NAV2: variants seen among roughly 807,000 people sequenced by gnomAD.
NAV2 encodes the protein helicase, APC down-regulated 1.
A neutral mutation model predicts 223.2 loss-of-function variants in NAV2; 54 were observed. The observed-to-expected ratio is 0.24, with a 90% CI of 0.19 to 0.30. The LOEUF is 0.30. Among genes scored for constraint, NAV2 ranks in the 10% least tolerant of loss-of-function variants. The probability of loss-of-function intolerance (pLI) is 1.00; values close to 1 mark genes in which losing one functional copy is unlikely to be tolerated. For missense variants in NAV2, 2,806 were observed against 3,147.5 expected, an observed-to-expected ratio of 0.89 and a Z score of 2.60; for synonymous variants, 1,279 against 1,239.3, an observed-to-expected ratio of 1.03 and a Z score of -0.67.
intron 26 of NAV2, among the ~76,000 whole-genome samples, chr11:20,090,114 T>C (rs577196998): frequency 1.3e-5 from 2 of 152,326 alleles, no homozygotes; most frequent in East Asian, 3.9e-4. Context: ...GTTTTCAGAA[T>C]GTGATCAGGA....
chr11:19,944,705 TTTCCTTCC>T (rs369457220), intron 8 of NAV2, among the ~76,000 whole-genome samples: 25 of 145,270 alleles, frequency 1.7e-4, no homozygotes, highest in Non-Finnish European at 2.2e-4. Flanking sequence ...TTCTTCCTTC[TTTCCTTCC>T]TTCCTTCCTT....
intron 11 of NAV2, 118 bp from the exon 12 acceptor site, chr11:20,035,841 C>A (rs777505316): frequency 2.5e-6 from 3 of 1,180,840 alleles, no homozygotes; most frequent in Admixed American, 4.5e-5. Flanking sequence ...GAGCTTTGTC[C>A]GGGGCTTCAT....
At chr11:19,735,217 G>A (rs1035699) in intron 1 of NAV2, among the ~76,000 whole-genome samples, 84,695 of 151,992 alleles carry the variant, frequency 0.56, 24,750 homozygotes, top group African/African-American at 0.74. Flanking sequence ...TGGGCTTTGG[G>A]TGAAGCCTGG....
At chr11:19,971,739 T>C (rs1051419349) in intron 10 of NAV2, among the ~76,000 whole-genome samples, 2 of 152,266 alleles carry the variant, frequency 1.3e-5, no homozygotes, top group Non-Finnish European at 2.9e-5. Flanking sequence ...AGTCTTGCTC[T>C]GTCACCCAGG....
Position 20,095,786 on chromosome 11 carries a change from C to T in NAV2, c.6012+19C>T, listed in dbSNP as rs139295404. 2.5e-4 allele frequency: 399 copies of T among 1,581,140 alleles called. 1 individual carries two copies. In the East Asian group the frequency reaches 5.5e-3, roughly 22 times the overall value. ...GTTCAAAGTAAGTGTTTCAAGACAA[C>T]GGCTACAGCATACTACCTAACATGG... On this transcript the variant is annotated intron_variant, in intron 30 of 37. Coordinates refer to ENST00000349880, the MANE Select transcript of NAV2 (RefSeq NM_145117.5).
At chr11:19,347,334 T>C (rs1239684456), upstream of NAV2, among the ~76,000 whole-genome samples, 1 of 152,198 alleles carries the variant, frequency 6.6e-6, no homozygotes, top group Non-Finnish European at 1.5e-5. Flanking sequence ...AGGATGCCTC[T>C]ACCTCTAAGA....
At position 20,121,051 on chromosome 11, in the gene NAV2, G is replaced by T. The variant is rs74499419; in HGVS notation, c.*2793G>T. The T allele has an allele frequency of 5.9e-5, 9 of 152,362 alleles. No individual in the cohort carries two copies. The highest frequency in any genetic ancestry group is 5.2e-4 in the Admixed American group (8 of 15,282). 9.4% of individuals were successfully genotyped at this position (152,362 alleles called of 1,614,324 possible). On this transcript the variant is annotated 3_prime_UTR_variant, in exon 38 of 38. Transcript: ENST00000349880. ...ATACCTTTTAAGTTTCATTAGGGGT[G>T]GGGTGGGAGTGGGACAGGAACAAGA...
intron 11 of NAV2, among the ~76,000 whole-genome samples, chr11:20,015,186 T>A (rs1378888955): frequency 1.3e-5 from 2 of 152,318 alleles, no homozygotes; most frequent in East Asian, 1.9e-4. Context: ...ATAACCAGAT[T>A]TATGATCATG....
intron 1 of NAV2, among the ~76,000 whole-genome samples, chr11:19,620,976 G>A (rs2046975686): frequency 6.6e-6 from 1 of 152,152 alleles, no homozygotes; most frequent in Non-Finnish European, 1.5e-5. Flanking sequence ...ATGAAGGGTT[G>A]TTGAATTTTG....
chr11:20,089,964 T>G (rs562642218), intron 26 of NAV2, among the ~76,000 whole-genome samples: 1 of 152,174 alleles, frequency 6.6e-6, no homozygotes, highest in South Asian at 2.1e-4. Flanking sequence ...CAGATACAAC[T>G]TTGGCTTGCC....
At chr11:19,656,198 G>A (rs941577222) in intron 1 of NAV2, among the ~76,000 whole-genome samples, 4 of 152,216 alleles carry the variant, frequency 2.6e-5, no homozygotes, top group African/African-American at 9.6e-5. Context: ...GAGCACTGAG[G>A]AGTGGCATGC....
At chr11:20,083,600 C>T (rs143877384) in intron 26 of NAV2, among the ~76,000 whole-genome samples, 1 of 152,234 alleles carries the variant, frequency 6.6e-6, no homozygotes, top group African/African-American at 2.4e-5. Context: ...CCATGGTGTT[C>T]CAGGTCTAGA....
intron 1 of NAV2, among the ~76,000 whole-genome samples, chr11:19,692,117 A>G (rs1017811147): frequency 6.6e-6 from 1 of 152,232 alleles, no homozygotes; most frequent in African/African-American, 2.4e-5. Flanking sequence ...TTCTCCTGCC[A>G]AAATACATCA....
intron 10 of NAV2, among the ~76,000 whole-genome samples, chr11:19,980,104 A>G (rs6483627): frequency 0.21 from 32,369 of 152,112 alleles, 3,577 homozygotes; most frequent in African/African-American, 0.28. Context: ...GGGTCTAACA[A>G]CAGTCATGTT....
rs780614707 is a variant in NAV2 at position 20,049,065 on chromosome 11, A to G, written c.4240A>G (p.Ile1414Val). The G allele has an allele frequency of 3.1e-6, 5 of 1,614,076 alleles. No homozygotes were observed. The highest frequency in any genetic ancestry group is 4.2e-6 in the Non-Finnish European group (5 of 1,180,020). ...CAGCCTCCACACCAGCTGTGAGTCC[A>G]TCGACATCTCCCTCAGCAGTGGAGG... ...VSSLHTSCESIDISLSSGGVP... is the reference protein window; with the variant it reads ...VSSLHTSCESVDISLSSGGVP... The change falls in exon 15 of 38, where the codon ATC becomes GTC. Residue 1414 changes from isoleucine (I) to valine (V), a missense_variant. Ile to Val is a conservative substitution (Grantham distance 29). Transcript: ENST00000349880.
chr11:19,989,076 C>T (rs1010973305), intron 11 of NAV2, among the ~76,000 whole-genome samples: 7 of 152,212 alleles, frequency 4.6e-5, no homozygotes, highest in African/African-American at 9.6e-5. Context: ...GCTCCCCTCA[C>T]GCTTCATTCT....
intron 1 of NAV2, among the ~76,000 whole-genome samples, chr11:19,607,910 T>A (rs900126029): frequency 7.9e-5 from 12 of 152,240 alleles, no homozygotes; most frequent in Admixed American, 2.0e-4. Context: ...ACTATTATGC[T>A]AGATCAGGAG....
intron 1 of NAV2, among the ~76,000 whole-genome samples, chr11:19,742,480 G>A (rs1424221746): frequency 1.3e-5 from 2 of 152,218 alleles, no homozygotes; most frequent in Non-Finnish European, 2.9e-5. Context: ...GGATTGGCAA[G>A]GGTGTGGGTG....
intron 11 of NAV2, among the ~76,000 whole-genome samples, chr11:20,033,576 A>T (rs1191909627): frequency 6.6e-6 from 1 of 152,168 alleles, no homozygotes; most frequent in East Asian, 1.9e-4. Context: ...GGATTCATTC[A>T]CAATAAGCCC....
Sources: allele counts gnomAD v4.1 joint callset (sites outside exome capture counted in the v4.1 genomes callset), GRCh38; gene constraint gnomAD v4.1.1; transcripts MANE v1.5; gene names NCBI Gene and HGNC (gene_info 2026-07-23, HGNC 2026-07-21).